Variants in MYO9A observed in about 807,000 individuals in gnomAD.
The protein encoded by MYO9A is unconventional myosin-IXa.
MYO9A carries 103 observed loss-of-function variants against 293.3 expected under a neutral mutation model. That is an observed-to-expected ratio of 0.35 (90% CI 0.30 to 0.41). The LOEUF (loss-of-function observed/expected upper bound fraction) is 0.41. Among genes scored for constraint, MYO9A ranks in the 10% least tolerant of loss-of-function variants. The pLI is 1.00. For synonymous variants in MYO9A, 1,001 were observed against 1,035.7 expected, an observed-to-expected ratio of 0.97 and a Z score of 0.64; for missense variants, 2,685 against 3,033.0, an observed-to-expected ratio of 0.89 and a Z score of 2.69.
At position 71,900,965 on chromosome 15, in the gene MYO9A, C is replaced by G. The variant is rs529322250; in HGVS notation, c.3150+226G>C. 6.6e-5 allele frequency among the ~76,000 whole-genome samples: 10 copies of G among 152,288 alleles called. No homozygotes were observed. In the East Asian group the frequency reaches 1.9e-3, roughly 29 times the overall value. ...CAGATCTCACAAGACATTATAACTA[C>G]AAATTCAATTTAATTTAAATTCAAT... On this transcript the variant is annotated intron_variant, in intron 23 of 41. Transcript: ENST00000356056.
chr15:72,014,257 G>A (rs2077257731), intron 6 of MYO9A, among the ~76,000 whole-genome samples: 2 of 152,196 alleles, frequency 1.3e-5, no homozygotes, highest in African/African-American at 4.8e-5. Flanking sequence ...CCAAGCCTAT[G>A]TTATTTATCT....
At chr15:71,993,946 C>G (rs2076617618) in intron 10 of MYO9A, among the ~76,000 whole-genome samples, 1 of 110,378 alleles carries the variant, frequency 9.1e-6, no homozygotes, top group African/African-American at 3.4e-5. Flanking sequence ...GAGAGCAAGA[C>G]ACCGTCTCAA....
At chr15:71,961,201 A>G (rs1409735006) in intron 13 of MYO9A, among the ~76,000 whole-genome samples, 3 of 152,224 alleles carry the variant, frequency 2.0e-5, no homozygotes, top group Non-Finnish European at 4.4e-5. Context: ...TAACAGCAGA[A>G]ATAAAAAATA....
intron 1 of MYO9A, among the ~76,000 whole-genome samples, chr15:72,100,861 GA>G: frequency 6.6e-6 from 1 of 150,508 alleles, no homozygotes; most frequent in African/African-American, 2.4e-5. Flanking sequence ...CCCCGTCCGG[GA>G]GGGAGGTGGG....
intron 14 of MYO9A, among the ~76,000 whole-genome samples, chr15:71,954,358 G>A (rs966042272): frequency 6.6e-6 from 1 of 151,904 alleles, no homozygotes; most frequent in African/African-American, 2.4e-5. Context: ...CAGCCACCAC[G>A]CCTGGCTAAT....
intron 18 of MYO9A, among the ~76,000 whole-genome samples, chr15:71,931,857 T>C (rs990478300): frequency 6.6e-6 from 1 of 152,200 alleles, no homozygotes; most frequent in African/African-American, 2.4e-5. Flanking sequence ...CCAGTCAGTC[T>C]GGCCAGAAAT....
intron 12 of MYO9A, among the ~76,000 whole-genome samples, chr15:71,977,339 C>A (rs1222146304): frequency 6.6e-6 from 1 of 152,094 alleles, no homozygotes; most frequent in Admixed American, 6.6e-5. Flanking sequence ...TGGGTTCAAG[C>A]GGTTCTCATG....
chr15:72,068,705 G>A (rs951899247), intron 1 of MYO9A, among the ~76,000 whole-genome samples: 3 of 151,948 alleles, frequency 2.0e-5, no homozygotes, highest in African/African-American at 7.2e-5. Context: ...CTTGAAGCCT[G>A]GGATCAAGTG....
At chr15:71,910,749 G>A (rs539121058) in intron 19 of MYO9A, among the ~76,000 whole-genome samples, 1 of 152,144 alleles carries the variant, frequency 6.6e-6, no homozygotes, top group South Asian at 2.1e-4. Context: ...TAGGTGTGTT[G>A]GCCTTCTGGA....
chr15:72,010,494 AAAT>A (rs756326936), intron 6 of MYO9A, 47 bp from the exon 7 acceptor site: 7 of 1,502,162 alleles, frequency 4.7e-6, no homozygotes, highest in African/African-American at 2.8e-5. Context: ...ATATATTTTA[AAAT>A]AATGTGGGCC....
rs368870186 is a variant in MYO9A at position 72,093,968 on chromosome 15, G to GA, written c.-72+23711dup. The stretch of plus-strand genomic sequence containing the variant: ...AGTAGTGAACTTAAAACATACATCT[G>GA]AAGAAATCACCCACAGTAAAAGAAG... On this transcript the variant is annotated intron_variant, in intron 1 of 41. Transcript: ENST00000356056. Among the ~76,000 whole-genome samples, 28 of 90,732 alleles carry GA rather than the reference G, an allele frequency of 3.1e-4. 2 individuals are homozygous for GA. The highest frequency in any genetic ancestry group is 7.2e-4 in the African/African-American group (28 of 38,690). 59.5% of individuals were successfully genotyped at this position (90,732 alleles called of 152,430 possible). A position where few individuals can be genotyped will look rare whatever the true frequency, so the allele number is the denominator to read the frequency against.
At position 72,012,326 on chromosome 15, in the gene MYO9A, G is replaced by A. The variant is rs1237425281; in HGVS notation, c.1156-1879C>T. ...TAATTTTTTTTTGAGATGGAGTGTC[G>A]CACTTGTTGCCCAGCTGCTGTGCAA... is the stretch of plus-strand genomic sequence containing the variant. On this transcript the variant is annotated intron_variant, in intron 6 of 41. Coordinates refer to ENST00000356056, the MANE Select transcript of MYO9A (RefSeq NM_006901.4). 2.0e-5 allele frequency among the ~76,000 whole-genome samples: 3 copies of A among 151,922 alleles called. No homozygotes were observed. The East Asian group carries it at 5.8e-4, about 29-fold the overall frequency.
At chr15:72,082,195 A>G (rs941991594) in intron 1 of MYO9A, among the ~76,000 whole-genome samples, 6 of 152,026 alleles carry the variant, frequency 3.9e-5, no homozygotes, top group Non-Finnish European at 8.8e-5. Flanking sequence ...GTCATCTCTG[A>G]TTTCTTTCAG....
At chr15:71,840,679 G>A (rs1326736736) in intron 39 of MYO9A, among the ~76,000 whole-genome samples, 1 of 152,006 alleles carries the variant, frequency 6.6e-6, no homozygotes, top group African/African-American at 2.4e-5. Context: ...GCCCAGGCTG[G>A]AGTGCAGTGG....
At chr15:71,949,864 C>G (rs2059012511) in intron 15 of MYO9A, among the ~76,000 whole-genome samples, 1 of 151,956 alleles carries the variant, frequency 6.6e-6, no homozygotes, top group African/African-American at 2.4e-5. Context: ...TGGTGGTTTT[C>G]TATCTCTGAA....
chr15:71,925,315 G>A (rs997845049), intron 18 of MYO9A, among the ~76,000 whole-genome samples: 1 of 22,876 alleles, frequency 4.4e-5, no homozygotes, highest in African/African-American at 8.0e-5. Context: ...ACGTATATAC[G>A]TATATGTACA....
chr15:71,972,596 G>A (rs979802117), intron 12 of MYO9A, among the ~76,000 whole-genome samples: 4 of 152,162 alleles, frequency 2.6e-5, no homozygotes, highest in Admixed American at 1.3e-4. Context: ...TGCTGGTGGG[G>A]AAAACCCCAC....
At chr15:71,828,758 T>TAACA (rs1189157078) in intron 40 of MYO9A, among the ~76,000 whole-genome samples, 15 of 152,246 alleles carry the variant, frequency 9.9e-5, no homozygotes, top group Admixed American at 3.9e-4. Context: ...CTGAATATTC[T>TAACA]AACACTGAAG....
Position 71,967,845 on chromosome 15 carries a change from G to C in MYO9A, c.1986+139C>G, listed in dbSNP as rs989074970. On this transcript the variant is annotated intron_variant, in intron 13 of 41. Coordinates refer to ENST00000356056, the MANE Select transcript of MYO9A (RefSeq NM_006901.4). ...TAATGTGCTGAAAAGCAGAATCTAA[G>C]TTTTAGTAGTATCTTTATACAATAT... The C allele has an allele frequency of 1.4e-5, 12 of 833,882 alleles. No individual in the cohort carries two copies. In the African/African-American group the frequency reaches 2.1e-4, roughly 15 times the overall value. The allele number at this position is 833,882 out of a possible 1,614,324, so 51.7% of individuals were successfully genotyped here. A position where few individuals can be genotyped will look rare whatever the true frequency, so the allele number is the denominator to read the frequency against.
Sources: allele counts gnomAD v4.1 joint callset (sites outside exome capture counted in the v4.1 genomes callset), GRCh38; gene constraint gnomAD v4.1.1; transcripts MANE v1.5; gene names NCBI Gene and HGNC (gene_info 2026-07-23, HGNC 2026-07-21).